AFG2A: variants seen among roughly 807,000 people sequenced by gnomAD.
AFG2A encodes the protein AAA ATPase AFG2A.
chr4:123,263,104 T>C, the AFG2A span, among the ~76,000 whole-genome samples: 1 of 152,220 alleles, frequency 6.6e-6, no homozygotes, highest in African/African-American at 2.4e-5. Flanking sequence ...CGAACTTGCT[T>C]TTCTCCTTTC....
chr4:122,983,023 A>G, the AFG2A span, among the ~76,000 whole-genome samples: 1 of 151,684 alleles, frequency 6.6e-6, no homozygotes, highest in South Asian at 2.1e-4. Context: ...ACCCGCCACA[A>G]CGCCCAGCTA....
chr4:123,219,334 A>G, the AFG2A span, among the ~76,000 whole-genome samples: 1 of 152,196 alleles, frequency 6.6e-6, no homozygotes, highest in East Asian at 1.9e-4. Context: ...GTTTTGTTGT[A>G]GCTGCTGGCG....
the AFG2A span, among the ~76,000 whole-genome samples, chr4:123,300,218 A>G: frequency 6.6e-6 from 1 of 152,092 alleles, no homozygotes. Flanking sequence ...TCAGAAGAGG[A>G]AAAAAATGCA....
At chr4:123,239,328 AG>A in the AFG2A span, among the ~76,000 whole-genome samples, 1 of 152,186 alleles carries the variant, frequency 6.6e-6, no homozygotes, top group East Asian at 1.9e-4. Flanking sequence ...GGAAATACAG[AG>A]AACACCACAA....
At chr4:123,004,991 T>A in the AFG2A span, among the ~76,000 whole-genome samples, 2 of 152,232 alleles carry the variant, frequency 1.3e-5, no homozygotes, top group Admixed American at 6.5e-5. Context: ...GTTGAATTTA[T>A]GGCCAAAGAG....
At chr4:123,028,443 A>G in the AFG2A span, 1 of 1,506,294 alleles carries the variant, frequency 6.6e-7, no homozygotes. Context: ...GCCTCCCCCA[A>G]CCCCCATTCT....
chr4:122,928,156 C>T, the AFG2A span, among the ~76,000 whole-genome samples: 19 of 152,240 alleles, frequency 1.2e-4, no homozygotes, highest in South Asian at 6.2e-4. Context: ...GTGTTGCCTC[C>T]GGCGATAGTG....
At chr4:123,202,543 C>G in the AFG2A span, among the ~76,000 whole-genome samples, 23 of 152,034 alleles carry the variant, frequency 1.5e-4, no homozygotes, top group African/African-American at 5.1e-4. Context: ...CCCAGCACCC[C>G]CAATGGTGAT....
chr4:122,988,631 G>A, the AFG2A span, among the ~76,000 whole-genome samples: 1 of 151,916 alleles, frequency 6.6e-6, no homozygotes, highest in African/African-American at 2.4e-5. Context: ...TCCTGACCTC[G>A]TGATCCACCC....
At chr4:122,950,031 G>T in the AFG2A span, among the ~76,000 whole-genome samples, 2 of 152,202 alleles carry the variant, frequency 1.3e-5, no homozygotes, top group Non-Finnish European at 2.9e-5. Context: ...CAGGTTGGGG[G>T]CAAAGGTCTG....
the AFG2A span, among the ~76,000 whole-genome samples, chr4:123,002,251 T>G: frequency 1.2e-4 from 19 of 152,214 alleles, no homozygotes; most frequent in East Asian, 3.5e-3. Flanking sequence ...GTCTTGACTC[T>G]TTATCCAATT....
the AFG2A span, among the ~76,000 whole-genome samples, chr4:123,279,420 A>C: frequency 2.0e-5 from 3 of 152,200 alleles, no homozygotes; most frequent in South Asian, 2.1e-4. Flanking sequence ...AAAAAACAAA[A>C]AAAAAAAGCT....
chr4:123,088,892 T>A, the AFG2A span, among the ~76,000 whole-genome samples: 1 of 152,178 alleles, frequency 6.6e-6, no homozygotes, highest in Admixed American at 6.5e-5. Flanking sequence ...TTTATAACAG[T>A]GTGAGAACGG....
the AFG2A span, among the ~76,000 whole-genome samples, chr4:123,282,052 A>G: frequency 6.6e-6 from 1 of 152,186 alleles, no homozygotes; most frequent in Non-Finnish European, 1.5e-5. Context: ...ATGTAGGTTC[A>G]TCACTTATAA....
chr4:123,014,752 A>G, the AFG2A span, among the ~76,000 whole-genome samples: 2 of 152,110 alleles, frequency 1.3e-5, no homozygotes, highest in African/African-American at 4.8e-5. Flanking sequence ...ACTAATTCCC[A>G]TCTTAATGTC....
chr4:123,082,440 A>G, the AFG2A span, among the ~76,000 whole-genome samples: 1 of 150,198 alleles, frequency 6.7e-6, no homozygotes, highest in Non-Finnish European at 1.5e-5. Context: ...AGCCAGCTGT[A>G]TTTATGTGGG....
At chr4:123,247,224 C>CGTGTGTGTGTGTGTGT in the AFG2A span, among the ~76,000 whole-genome samples, 8 of 149,658 alleles carry the variant, frequency 5.3e-5, no homozygotes, top group African/African-American at 7.4e-5. Flanking sequence ...TACTTGCGTG[C>CGTGTGTGTGTGTGTGT]GTGTGTGTGT....
chr4:123,123,423 A>G, the AFG2A span, among the ~76,000 whole-genome samples: 250 of 152,336 alleles, frequency 1.6e-3, 1 homozygote, highest in Middle Eastern at 0.014. Context: ...ATTATTTTAC[A>G]AATACAAGTT....
the AFG2A span, among the ~76,000 whole-genome samples, chr4:123,131,771 GTGGTATTACAAACA>G: frequency 6.6e-6 from 1 of 152,154 alleles, no homozygotes; most frequent in African/African-American, 2.4e-5. Context: ...ATTATGAATA[GTGGTATTACAAACA>G]TGGTGTGTGA....
Sources: allele counts gnomAD v4.1 joint callset (sites outside exome capture counted in the v4.1 genomes callset), GRCh38; gene constraint gnomAD v4.1.1; transcripts MANE v1.5; gene names NCBI Gene and HGNC (gene_info 2026-07-23, HGNC 2026-07-21).